The following INO80 variants were observed in gnomAD, a reference collection of about 807,000 sequenced individuals.
INO80 encodes INO80 complex ATPase subunit.
INO80 carries 20 observed loss-of-function variants against 203.4 expected under a neutral mutation model. The ratio of observed to expected loss-of-function variants is 0.10; its 90% CI spans 0.07 to 0.14. INO80 has a LOEUF of 0.14. INO80 is among the 10% of genes least tolerant of loss of function. The pLI is 1.00. For synonymous variants in INO80, 726 were observed against 685.2 expected (o/e 1.06, Z -0.93); for missense variants, 1,419 against 1,914.4 (o/e 0.74, Z 4.83).
At chr15:41,041,542 G>T (rs2044668202) in intron 24 of INO80, among the ~76,000 whole-genome samples, 1 of 151,458 alleles carries the variant, frequency 6.6e-6, no homozygotes, top group Admixed American at 6.6e-5. Context: ...CTGGGTTCAA[G>T]CAATTCTCCT....
chr15:40,997,396 G>C (rs576636841), intron 29 of INO80, 133 bp downstream of exon 29: 6 of 626,724 alleles, frequency 9.6e-6, no homozygotes, highest in Non-Finnish European at 1.4e-5. Context: ...AAGAGGCAAA[G>C]AAATAAAAAG....
At chr15:40,996,715 T>C (rs557792085) in intron 29 of INO80, among the ~76,000 whole-genome samples, 29 of 152,260 alleles carry the variant, frequency 1.9e-4, no homozygotes, top group African/African-American at 6.7e-4. Context: ...GGAATATCTT[T>C]TCTACTTTAT....
intron 4 of INO80, among the ~76,000 whole-genome samples, chr15:41,093,326 G>A (rs1478530083): frequency 1.3e-5 from 2 of 152,122 alleles, no homozygotes; most frequent in Non-Finnish European, 2.9e-5. Context: ...TCAGGAGGCT[G>A]AGACAGGAGA....
chr15:41,084,520 C>T (rs1434042208), intron 7 of INO80, among the ~76,000 whole-genome samples: 1 of 152,126 alleles, frequency 6.6e-6, no homozygotes, highest in African/African-American at 2.4e-5. Flanking sequence ...GATGATGACA[C>T]TGCAATCCAG....
chr15:41,069,955 C>T (rs1279979613), intron 13 of INO80, among the ~76,000 whole-genome samples: 1 of 152,180 alleles, frequency 6.6e-6, no homozygotes, highest in African/African-American at 2.4e-5. Context: ...TTCTACTATA[C>T]TAGTTATCCG....
At chr15:41,084,875 T>C (rs890950682) in intron 7 of INO80, among the ~76,000 whole-genome samples, 3 of 152,158 alleles carry the variant, frequency 2.0e-5, no homozygotes, top group African/African-American at 7.2e-5. Context: ...TAGGGAGGGC[T>C]ACAAACATGT....
intron 1 of INO80, among the ~76,000 whole-genome samples, chr15:41,106,408 G>C (rs1596331462): frequency 1.4e-5 from 2 of 141,616 alleles, no homozygotes; most frequent in South Asian, 4.5e-4. Flanking sequence ...AAAAGAGAAA[G>C]AAAGAAAAAA....
rs1196747613 is a variant in INO80, at chr15:41,014,059, CTTAT to C, written c.3402+2025_3402+2028del. On this transcript the variant is annotated intron_variant, in intron 27 of 35. Coordinates refer to ENST00000648947, the MANE Select transcript of INO80 (RefSeq NM_017553.3). ...ACAAAGCTTATCATACTCTGAATTA[CTTAT>C]TTTAGTAATATTTAATGAGAACCTA... Among the ~76,000 whole-genome samples, 4 of 152,232 alleles carry C rather than the reference CTTAT, an allele frequency of 2.6e-5. No homozygotes were observed. In the East Asian group the frequency reaches 7.7e-4, roughly 29 times the overall value.
intron 23 of INO80, among the ~76,000 whole-genome samples, chr15:41,046,202 C>CATATATATATATATATATATAT (rs1205932520): frequency 9.1e-6 from 1 of 109,468 alleles, no homozygotes; most frequent in Non-Finnish European, 1.8e-5. Flanking sequence ...TGTGCGTATA[C>CATATATATATATATATATATAT]ATACATATAT....
intron 24 of INO80, among the ~76,000 whole-genome samples, chr15:41,038,704 A>C (rs761428852): frequency 2.6e-4 from 39 of 152,188 alleles, no homozygotes; most frequent in Non-Finnish European, 4.9e-4. Context: ...AACCATTGCT[A>C]TCGGGTCTTT....
chr15:41,075,549 G>C (rs1363033995), intron 9 of INO80, among the ~76,000 whole-genome samples: 1 of 152,138 alleles, frequency 6.6e-6, no homozygotes, highest in Admixed American at 6.6e-5. Context: ...CTGCCTCCTG[G>C]GTTCATGCCA....
rs577029919 is a variant in INO80, at chr15:41,033,848, A to G, written c.2908-6112T>C. On this transcript the variant is annotated intron_variant, in intron 24 of 35. Coordinates refer to ENST00000648947, the MANE Select transcript of INO80 (RefSeq NM_017553.3). Reference sequence around the variant, plus strand: ...GGGAGGATCACGAGGTCAGGAGATCAAGACCATCCTGGCTAACGCTAGAGT... The same window carrying G: ...GGGAGGATCACGAGGTCAGGAGATCGAGACCATCCTGGCTAACGCTAGAGT... 2.7e-3 allele frequency among the ~76,000 whole-genome samples: 407 copies of G among 152,244 alleles called. 3 individuals are homozygous for G. Among genetic ancestry groups the G allele is most frequent in the South Asian group, 0.013 (62 of 4,816 alleles).
Position 40,983,830 on chromosome 15 carries a change from G to A in INO80, c.4169C>T (p.Ser1390Leu). ...MLVIVDDPAS[S>L]APQSRATNSP... ...GTTGGTAGCTCGAGACTGAGGGGCTGAGGAGGCTGGGTCATCCACAATGAC... is the reference window on the plus strand; with the variant it reads ...GTTGGTAGCTCGAGACTGAGGGGCTAAGGAGGCTGGGTCATCCACAATGAC... Residue 1390 changes from serine to leucine, a missense_variant, in exon 34 of 36, where the codon TCA (serine) becomes TTA (leucine). Coordinates refer to ENST00000648947, the MANE Select transcript of INO80 (RefSeq NM_017553.3). 4 of 1,613,028 alleles carry A rather than the reference G, an allele frequency of 2.5e-6. No homozygotes were observed. Among genetic ancestry groups the A allele is most frequent in the Non-Finnish European group, 3.4e-6 (4 of 1,179,990 alleles).
intron 26 of INO80, chr15:41,018,458 A>G (rs2044242602): frequency 6.6e-6 from 1 of 152,268 alleles, no homozygotes; most frequent in Non-Finnish European, 1.5e-5. Context: ...AAAGGAGGCA[A>G]GAAGTGGTAC....
chr15:41,068,436 C>A lies in INO80; in HGVS notation c.1782+1134G>T, dbSNP rs192316060. Among the ~76,000 whole-genome samples the A allele has an allele frequency of 2.7e-3, 408 of 152,272 alleles. 3 individuals carry two copies. The highest frequency in any genetic ancestry group is 0.013 in the South Asian group (62 of 4,832). On this transcript the variant is annotated intron_variant, in intron 14 of 35. Transcript: ENST00000648947. ...ATTAGCCGGGCATGGTGGCACATGCCTGTAATCCCAGCTACTCGGGAGGCT... is the reference window on the plus strand; with the variant it reads ...ATTAGCCGGGCATGGTGGCACATGCATGTAATCCCAGCTACTCGGGAGGCT...
chr15:41,019,484 T>G (rs1390110076), intron 26 of INO80: 2 of 152,074 alleles, frequency 1.3e-5, no homozygotes, highest in Non-Finnish European at 2.9e-5. Context: ...CCACAAGAGA[T>G]TCCCACAACG....
chr15:41,023,187 G>A (rs2044320629), intron 25 of INO80: 3 of 433,302 alleles, frequency 6.9e-6, no homozygotes, highest in Non-Finnish European at 1.4e-5. Context: ...ACATGAGCAT[G>A]GGCAAATAAA....
intron 5 of INO80, 51 bp downstream of exon 5, chr15:41,091,976 T>C (rs1186866978): frequency 5.9e-6 from 9 of 1,513,024 alleles, no homozygotes; most frequent in Non-Finnish European, 7.3e-6. Flanking sequence ...TTAATGACTA[T>C]AAAGCAGAGG....
At chr15:40,985,534 C>T (rs1376504620) in intron 31 of INO80, 108 bp from the exon 32 acceptor site, 1 of 842,676 alleles carries the variant, frequency 1.2e-6, no homozygotes, top group South Asian at 1.4e-5. Context: ...CCAAGTATCA[C>T]TTCTATCTGT....
Sources: gnomAD v4.1 joint callset for allele counts (sites outside exome capture counted in the v4.1 genomes callset) on GRCh38, gnomAD v4.1.1 for gene constraint, MANE v1.5 for transcripts, NCBI Gene and HGNC (gene_info 2026-07-23, HGNC 2026-07-21) for gene names.